The following LECT2 variants were observed in gnomAD, a reference collection of about 807,000 sequenced individuals.
LECT2 encodes the protein leukocyte cell-derived chemotaxin-2.
A neutral mutation model predicts 16.6 loss-of-function variants in LECT2; 11 were observed. That is an observed-to-expected ratio of 0.66 (90% CI 0.42 to 1.09). LECT2 has a LOEUF of 1.09. Ranked by LOEUF, LECT2 falls within the 50% of genes least tolerant of loss-of-function variation. The pLI is 0.00. For missense variants in LECT2, 173 were observed against 184.2 expected, an observed-to-expected ratio of 0.94 and a Z score of 0.35; for synonymous variants, 54 against 64.8, an observed-to-expected ratio of 0.83 and a Z score of 0.80.
At chr5:135,947,526 C>T (rs181194224) in intron 3 of LECT2, 29 bp from the exon 4 acceptor site, 46 of 1,521,528 alleles carry the variant, frequency 3.0e-5, no homozygotes, top group African/African-American at 2.8e-5. Context: ...AATTATTTAT[C>T]TGGGCTTCAG....
chr5:135,952,953 A>C lies in LECT2; in HGVS notation c.61T>G (p.Trp21Gly). 1 of 1,613,466 alleles carries C rather than the reference A, an allele frequency of 6.2e-7. No individual in the cohort carries two copies. The highest frequency in any genetic ancestry group is 8.5e-7 in the Non-Finnish European group (1 of 1,179,352). ...GLISTALAGP[W>G]ANICAGKSSN... ...GACTTGCCAGCACATATATTAGCCC[A>C]TGGCCCTGCCAGTGCTAAAAAGGAG... is the stretch of plus-strand genomic sequence containing the variant. The change falls in exon 2 of 4, where the codon TGG (tryptophan) becomes GGG (glycine). Residue 21 changes from tryptophan to glycine, a missense_variant. Transcript: ENST00000274507.
chr5:135,953,893 C>G (rs1763827322), intron 1 of LECT2, among the ~76,000 whole-genome samples: 1 of 152,096 alleles, frequency 6.6e-6, no homozygotes, highest in Non-Finnish European at 1.5e-5. Flanking sequence ...GGAGTAGAAC[C>G]AATTATATGA....
At chr5:135,953,058 T>A in intron 1 of LECT2, 91 bp from the exon 2 acceptor site, 3 of 807,974 alleles carry the variant, frequency 3.7e-6, no homozygotes, top group Non-Finnish European at 6.4e-6. Context: ...ATCCTGACAA[T>A]TCTGTTTTCA....
chr5:135,947,497 C>A lies in LECT2; in HGVS notation c.290G>T (p.Gly97Val). Residue 97 changes from glycine (G) to valine (V), a missense_variant and splice_region_variant, in exon 4 of 4, where the codon GGT becomes GTT. Transcript: ENST00000274507. ...INNGVRISGR[G>V]FCVKMFYIKP... Reference sequence around the variant, plus strand: ...AATGTAGAACATTTTGACACAAAAACCTAAAAGAAAATAAGTATAATTATT... The same window carrying A: ...AATGTAGAACATTTTGACACAAAAAACTAAAAGAAAATAAGTATAATTATT... 3.1e-6 allele frequency: 5 copies of A among 1,591,744 alleles called. No individual in the cohort carries two copies. The highest frequency in any genetic ancestry group is 1.2e-5 in the South Asian group (1 of 86,518).
intron 3 of LECT2, among the ~76,000 whole-genome samples, chr5:135,949,278 GCAAA>G (rs1763758972): frequency 1.3e-5 from 2 of 152,202 alleles, no homozygotes; most frequent in Non-Finnish European, 2.9e-5. Flanking sequence ...GTGGAAATTA[GCAAA>G]CAGATTCTGT....
chr5:135,952,778 T>C, intron 2 of LECT2, 93 bp downstream of exon 2: 1 of 782,642 alleles, frequency 1.3e-6, no homozygotes, highest in South Asian at 1.5e-5. Context: ...CTGTCAGAAC[T>C]GTGAGCCCTT....
chr5:135,947,440 T>G lies in LECT2; in HGVS notation c.347A>C (p.Lys116Thr), dbSNP rs766884380. ...KPIKYKGPIK[K>T]GEKLGTLLPL... ...CAATAGAGTTCCAAGTTTTTCTCCC[T>G]TCTTAATAGGACCTTTATACTTAAT... The change falls in exon 4 of 4, where the codon AAG becomes ACG. Residue 116 changes from lysine (K) to threonine (T), a missense_variant. By Grantham distance (78) the Lys-to-Thr change is moderately conservative. Transcript: ENST00000274507. 17 of 1,613,966 alleles carry G rather than the reference T, an allele frequency of 1.1e-5. No individual in the cohort carries two copies. In the South Asian group the frequency reaches 1.5e-4, roughly 15 times the overall value.
chr5:135,953,898 A>G (rs1248224434), intron 1 of LECT2, among the ~76,000 whole-genome samples: 3 of 152,118 alleles, frequency 2.0e-5, no homozygotes, highest in African/African-American at 7.3e-5. Context: ...AGAACCAATT[A>G]TATGAAAAAT....
intron 3 of LECT2, 89 bp downstream of exon 3, chr5:135,951,134 A>T: frequency 7.9e-7 from 1 of 1,268,268 alleles, no homozygotes; most frequent in Non-Finnish European, 1.1e-6. Context: ...TGAAAGAAGT[A>T]CAAAATCTCT....
rs148865869 is a variant in LECT2, at chr5:135,954,070, C to T, written c.46+718G>A. On this transcript the variant is annotated intron_variant, in intron 1 of 3. Transcript: ENST00000274507. Reference sequence around the variant, plus strand: ...CATTCACAGAGAGATACAGTGAGCACACTCAACCTTGCACTTTGAAACAAA... The same window carrying T: ...CATTCACAGAGAGATACAGTGAGCATACTCAACCTTGCACTTTGAAACAAA... 5.9e-4 allele frequency among the ~76,000 whole-genome samples: 90 copies of T among 152,316 alleles called. 1 individual carries two copies. Among genetic ancestry groups the T allele is most frequent in the African/African-American group, 2.1e-3 (88 of 41,574 alleles).
chr5:135,948,707 C>A (rs1364996752), intron 3 of LECT2, among the ~76,000 whole-genome samples: 1 of 148,750 alleles, frequency 6.7e-6, no homozygotes, highest in Non-Finnish European at 1.5e-5. Flanking sequence ...CGGAGTCTTG[C>A]TGTGTCACCC....
In LECT2 at chr5:135,951,387, C is replaced by G. The variant is rs745399173; in HGVS notation, c.144-19G>C. ...CTGACTTCTAGGATGTAAATAAGAA[C>G]GAACAGACTGAGGAACTGCCTTAGG... On this transcript the variant is annotated intron_variant, in intron 2 of 3. Transcript: ENST00000274507. 9.3e-6 allele frequency: 15 copies of G among 1,609,366 alleles called. No homozygotes were observed. The highest frequency in any genetic ancestry group is 2.2e-5 in the South Asian group (2 of 90,304).
intron 3 of LECT2, 124 bp downstream of exon 3, chr5:135,951,099 C>G: frequency 9.8e-7 from 1 of 1,015,662 alleles, no homozygotes; most frequent in East Asian, 2.5e-5. Flanking sequence ...ACTCTATATT[C>G]TTTCTGTTCC....
chr5:135,951,130 A>T, intron 3 of LECT2, 93 bp downstream of exon 3: 1 of 1,206,316 alleles, frequency 8.3e-7, no homozygotes, highest in South Asian at 1.4e-5. Flanking sequence ...ATTTTGAAAG[A>T]AGTACAAAAT....
intron 3 of LECT2, 71 bp from the exon 4 acceptor site, chr5:135,947,568 A>C: frequency 1.4e-6 from 2 of 1,385,778 alleles, no homozygotes; most frequent in Non-Finnish European, 1.9e-6. Flanking sequence ...AAAAATAACA[A>C]ATGGACAAAA....
At chr5:135,951,559 A>G (rs1763797729) in intron 2 of LECT2, 191 bp from the exon 3 acceptor site, 1 of 510,136 alleles carries the variant, frequency 2.0e-6, no homozygotes, top group Non-Finnish European at 3.5e-6. Flanking sequence ...AGGTGCTAAT[A>G]ACCATATCAT....
chr5:135,948,018 A>T (rs956025554), intron 3 of LECT2, among the ~76,000 whole-genome samples: 28 of 152,226 alleles, frequency 1.8e-4, no homozygotes, highest in African/African-American at 6.8e-4. Flanking sequence ...GTTGAAAAGC[A>T]AACCCCAATT....
In LECT2 at chr5:135,947,392, CCAGGATAAACTT is replaced by C. The variant is rs1763719549; in HGVS notation, c.383_394del (p.Lys128_Gly132delinsSer). The C allele has an allele frequency of 6.2e-7, 1 of 1,613,902 alleles. No individual in the cohort carries two copies. The highest frequency in any genetic ancestry group is 1.7e-5 in the Admixed American group (1 of 60,008). On this transcript the variant is annotated inframe_deletion, in exon 4 of 4. Coordinates refer to ENST00000274507, the MANE Select transcript of LECT2 (RefSeq NM_002302.3). Reference sequence around the variant, plus strand: ...TTCAATGTGCACATGCGATTGTATGCCAGGATAAACTTTCTGCAAGGGCAATAGAGTTCCAAG... The same window carrying C: ...TTCAATGTGCACATGCGATTGTATGCTCTGCAAGGGCAATAGAGTTCCAAG...
Position 135,953,749 on chromosome 5 carries a change from T to C in LECT2, c.47-782A>G, listed in dbSNP as rs576298416. On this transcript the variant is annotated intron_variant, in intron 1 of 3. Coordinates refer to ENST00000274507, the MANE Select transcript of LECT2 (RefSeq NM_002302.3). ...TTTGAATTAAAGGAGAAACGAACTC[T>C]GTACTAGCCAAGTTTGTTTAACACT... Among the ~76,000 whole-genome samples the C allele has an allele frequency of 1.1e-4, 16 of 152,346 alleles. No homozygotes were observed. In the East Asian group the frequency reaches 3.1e-3, roughly 29 times the overall value.
Sources: gnomAD v4.1 joint callset for allele counts (sites outside exome capture counted in the v4.1 genomes callset) on GRCh38, gnomAD v4.1.1 for gene constraint, MANE v1.5 for transcripts, NCBI Gene and HGNC (gene_info 2026-07-23, HGNC 2026-07-21) for gene names.